The following PTPN1 variants were observed in gnomAD, a reference collection of about 807,000 sequenced individuals.
PTPN1 encodes protein tyrosine phosphatase non-receptor type 1.
Under a neutral mutation model 59.9 loss-of-function variants are expected in PTPN1, and 12 were observed. The ratio of observed to expected loss-of-function variants is 0.20; its 90% CI spans 0.13 to 0.32. PTPN1 has a LOEUF of 0.32. PTPN1 is among the 10% of genes least tolerant of loss of function. The pLI is 1.00. For missense variants in PTPN1, 356 were observed against 549.2 expected (o/e 0.65, Z 3.52); for synonymous variants, 178 against 203.6 (o/e 0.87, Z 1.07).
At chr20:50,574,855 C>G (rs1023603673) in intron 5 of PTPN1, 212 of 558,806 alleles carry the variant, frequency 3.8e-4, no homozygotes, top group Non-Finnish European at 3.3e-4. Context: ...ACAGTGCTCT[C>G]TCTGACCTTT....
At chr20:50,559,289 G>A (rs941188513) in intron 1 of PTPN1, among the ~76,000 whole-genome samples, 1 of 152,078 alleles carries the variant, frequency 6.6e-6, no homozygotes, top group African/African-American at 2.4e-5. Flanking sequence ...ACCTCGGAAT[G>A]TTTTTATTGT....
intron 1 of PTPN1, among the ~76,000 whole-genome samples, chr20:50,529,883 C>T (rs1472937118): frequency 6.6e-6 from 1 of 151,860 alleles, no homozygotes; most frequent in Non-Finnish European, 1.5e-5. Flanking sequence ...TTATCATTAT[C>T]ATTATTTTTG....
rs1245474335 is a variant in PTPN1 at position 50,582,534 on chromosome 20, T to G, written c.1285-158T>G. Among the ~76,000 whole-genome samples the G allele has an allele frequency of 2.6e-5, 4 of 152,176 alleles. No individual in the cohort carries two copies. The highest frequency in any genetic ancestry group is 1.5e-5 in the Non-Finnish European group (1 of 68,018). ...CAAACAATTTTTTCCTTGGGGATGA[T>G]TTTTGGGGAGAGGGGGCTACTGTAA... On this transcript the variant is annotated intron_variant, in intron 9 of 9. Coordinates refer to ENST00000371621, the MANE Select transcript of PTPN1 (RefSeq NM_002827.4). This position sits in a 1 kb window ranked among gnomAD's most constrained non-coding sequence, Gnocchi z 4.2.
chr20:50,550,291 G>A lies in PTPN1; in HGVS notation c.64-11072G>A, dbSNP rs138106269. ...TTAGATAACCATTTGTAGAATGGAG[G>A]TTCCGGGAGATCTTAGAAGATGTGA... On this transcript the variant is annotated intron_variant, in intron 1 of 9. Coordinates refer to ENST00000371621, the MANE Select transcript of PTPN1 (RefSeq NM_002827.4). Among the ~76,000 whole-genome samples, 759 of 152,322 alleles carry A rather than the reference G, an allele frequency of 5.0e-3. 7 individuals are homozygous for A. The highest frequency in any genetic ancestry group is 0.018 in the African/African-American group (744 of 41,578).
At chr20:50,548,344 T>A (rs942383782) in intron 1 of PTPN1, among the ~76,000 whole-genome samples, 1 of 152,230 alleles carries the variant, frequency 6.6e-6, no homozygotes. Flanking sequence ...TTTTACTTCT[T>A]CCTGTTTTTA....
rs140304351 is a variant in PTPN1, at chr20:50,526,087, A to ATGTG, written c.63+15508_63+15511dup. On this transcript the variant is annotated intron_variant, in intron 1 of 9. Transcript: ENST00000371621. ...GGGTGCGGGGGAGCACATAGGGTGT[A>ATGTG]TGTGTGTGTGTGTGCGCGTGCAGAT... Among the ~76,000 whole-genome samples, 6 of 151,620 alleles carry ATGTG rather than the reference A, an allele frequency of 4.0e-5. 1 individual carries two copies. In the South Asian group the frequency reaches 8.3e-4, roughly 21 times the overall value.
chr20:50,564,376 T>G (rs1331539507), intron 2 of PTPN1, among the ~76,000 whole-genome samples: 1 of 152,134 alleles, frequency 6.6e-6, no homozygotes, highest in Non-Finnish European at 1.5e-5. Flanking sequence ...GGTGGATCAC[T>G]TGAGGCCAGG....
intron 1 of PTPN1, among the ~76,000 whole-genome samples, chr20:50,528,845 G>A (rs1163632237): frequency 6.6e-6 from 1 of 152,112 alleles, no homozygotes; most frequent in African/African-American, 2.4e-5. Context: ...GTGATTGCTA[G>A]GGAGGCTTTG....
rs1489441940 is a variant in PTPN1 at position 50,510,548 on chromosome 20, C to T, written c.21C>T (p.Phe7=). The T allele has an allele frequency of 4.5e-6, 7 of 1,551,166 alleles. No individual in the cohort carries two copies. In the Admixed American group the frequency reaches 1.2e-4, roughly 26 times the overall value. MEMEKE[F]EQIDKSGSWA... ...CCGTCATGGAGATGGAAAAGGAGTT[C>T]GAGCAGATCGACAAGTCCGGGAGCT... The change falls in exon 1 of 10, where the codon TTC becomes TTT. Residue 7 remains phenylalanine, a synonymous_variant. Transcript: ENST00000371621.
At chr20:50,579,065 C>T (rs1568797788) in intron 6 of PTPN1, 103 bp from the exon 7 acceptor site, 2 of 1,325,406 alleles carry the variant, frequency 1.5e-6, no homozygotes, top group African/African-American at 2.9e-5. Flanking sequence ...CTAGGGATCA[C>T]ATTTCAGCAT....
intron 1 of PTPN1, among the ~76,000 whole-genome samples, chr20:50,520,967 C>T (rs527289785): frequency 1.7e-4 from 26 of 152,286 alleles, no homozygotes; most frequent in African/African-American, 5.8e-4. Context: ...GTGGGGTGAT[C>T]TTTCTGGAAA....
Position 50,582,733 on chromosome 20 carries a change from C to T in PTPN1, c.*18C>T. 6.2e-7 allele frequency: 1 copy of T among 1,613,442 alleles called. No homozygotes were observed. The highest frequency in any genetic ancestry group is 8.5e-7 in the Non-Finnish European group (1 of 1,179,776). ...ACACATAGCCTGACCCTCCTCCACT[C>T]CACCTCCACCCACTGTCCGCCTCTG... is the stretch of plus-strand genomic sequence containing the variant. On this transcript the variant is annotated 3_prime_UTR_variant, in exon 10 of 10. Coordinates refer to ENST00000371621, the MANE Select transcript of PTPN1 (RefSeq NM_002827.4). This position sits in a 1 kb window ranked among gnomAD's most constrained non-coding sequence, Gnocchi z 4.2.
intron 1 of PTPN1, among the ~76,000 whole-genome samples, chr20:50,545,945 G>A (rs1353488287): frequency 6.6e-6 from 1 of 151,934 alleles, no homozygotes; most frequent in Non-Finnish European, 1.5e-5. Flanking sequence ...GGCTGAGGTG[G>A]GAGGATCACC....
At position 50,574,615 on chromosome 20, in the gene PTPN1, A is replaced by G; in HGVS notation, c.453A>G (p.Ser151=). 2 of 1,607,792 alleles carry G rather than the reference A, an allele frequency of 1.2e-6. No homozygotes were observed. The highest frequency in any genetic ancestry group is 1.7e-5 in the Admixed American group (1 of 58,332). ...KLTLISEDIK[S]YYTVRQLELE... ...CATTGATCTCTGAAGATATCAAGTC[A>G]TATTATACAGTGCGACAGCTAGAAT... Residue 151 remains serine, a synonymous_variant, in exon 5 of 10, where the codon TCA becomes TCG. Transcript: ENST00000371621.
intron 1 of PTPN1, 150 bp downstream of exon 1, chr20:50,510,740 C>G: frequency 1.1e-6 from 1 of 880,854 alleles, no homozygotes; most frequent in Non-Finnish European, 1.6e-6. Flanking sequence ...GCACTGCGTC[C>G]CCCCACCCTT....
At chr20:50,571,853 G>A (rs905619131) in intron 4 of PTPN1, 2 of 152,214 alleles carry the variant, frequency 1.3e-5, no homozygotes, top group Non-Finnish European at 2.9e-5. Flanking sequence ...GGCCATTGCA[G>A]AATCTCACCC....
At chr20:50,545,810 G>A (rs2082672799) in intron 1 of PTPN1, among the ~76,000 whole-genome samples, 1 of 152,060 alleles carries the variant, frequency 6.6e-6, no homozygotes, top group Non-Finnish European at 1.5e-5. Context: ...GAGCCCAGGA[G>A]TTCAAGACCA....
chr20:50,561,083 G>T (rs1007615412), intron 1 of PTPN1, among the ~76,000 whole-genome samples: 4 of 152,102 alleles, frequency 2.6e-5, no homozygotes, highest in Non-Finnish European at 5.9e-5. Flanking sequence ...GTGATCTCCA[G>T]CCCCCATGCC....
chr20:50,579,585 C>T, intron 7 of PTPN1, 118 bp from the exon 8 acceptor site: 4 of 963,352 alleles, frequency 4.2e-6, no homozygotes, highest in South Asian at 1.5e-5. Flanking sequence ...TACATGGCTG[C>T]AGCCCTGAGA....
Sources: allele counts gnomAD v4.1 joint callset (sites outside exome capture counted in the v4.1 genomes callset), GRCh38; gene constraint gnomAD v4.1.1; non-coding constraint Gnocchi (gnomAD v3.1); transcripts MANE v1.5; gene names NCBI Gene and HGNC (gene_info 2026-07-23, HGNC 2026-07-21).